PDE4D: variants seen among roughly 807,000 people sequenced by gnomAD.
PDE4D encodes phosphodiesterase 4D, also known as 3',5'-cyclic-AMP phosphodiesterase 4D.
Under a neutral mutation model 87.4 loss-of-function variants are expected in PDE4D, and 24 were observed. That is an observed-to-expected ratio of 0.27 (90% confidence interval 0.20 to 0.39). The LOEUF is 0.39. Among genes scored for constraint, PDE4D ranks in the 10% least tolerant of loss-of-function variants. The pLI, the probability that PDE4D is intolerant of heterozygous loss-of-function variation, is 1.00. For missense variants in PDE4D, 714 were observed against 1,041.0 expected, an observed-to-expected ratio of 0.69 and a Z score of 4.32; for synonymous variants, 384 against 383.2, an observed-to-expected ratio of 1.00 and a Z score of -0.02.
chr5:60,248,857 C>A (rs1748097641), intron 1 of PDE4D, among the ~76,000 whole-genome samples: 1 of 151,956 alleles, frequency 6.6e-6, no homozygotes, highest in Admixed American at 6.6e-5. Context: ...TTCCCATAGC[C>A]TGACACATCT....
At chr5:59,256,011 T>G (rs1368288026) in intron 1 of PDE4D, among the ~76,000 whole-genome samples, 2 of 152,080 alleles carry the variant, frequency 1.3e-5, no homozygotes, top group East Asian at 3.9e-4. Context: ...AGCAGAACAT[T>G]TTTGTACATA....
At chr5:60,208,849 G>A (rs930440126) in intron 1 of PDE4D, among the ~76,000 whole-genome samples, 1 of 152,164 alleles carries the variant, frequency 6.6e-6, no homozygotes, top group Non-Finnish European at 1.5e-5. Context: ...TATCCAGCAT[G>A]CAGAAGTTGC....
chr5:59,972,288 G>T (rs535471960), intron 3 of PDE4D, among the ~76,000 whole-genome samples: 3 of 152,272 alleles, frequency 2.0e-5, no homozygotes, highest in South Asian at 2.1e-4. Flanking sequence ...AACAGAAGAG[G>T]ATTGGATACT....
intron 1 of PDE4D, among the ~76,000 whole-genome samples, chr5:59,300,985 T>C (rs982923918): frequency 4.6e-5 from 7 of 152,132 alleles, no homozygotes; most frequent in Non-Finnish European, 8.8e-5. Context: ...GATTAAGAGA[T>C]GCATATAGGG....
At chr5:59,831,790 T>C (rs1260592777) in intron 1 of PDE4D, among the ~76,000 whole-genome samples, 2 of 152,034 alleles carry the variant, frequency 1.3e-5, no homozygotes, top group Non-Finnish European at 2.9e-5. Context: ...ACAGGTTGCC[T>C]AGTAGTTAGT....
chr5:59,773,722 A>G (rs571183607), intron 1 of PDE4D, among the ~76,000 whole-genome samples: 1 of 152,230 alleles, frequency 6.6e-6, no homozygotes, highest in African/African-American at 2.4e-5. Context: ...ATTATTTTTC[A>G]TTATAAAGTT....
chr5:60,325,938 C>T (rs889627355), intron 1 of PDE4D, among the ~76,000 whole-genome samples: 2 of 152,052 alleles, frequency 1.3e-5, no homozygotes, highest in African/African-American at 4.8e-5. Flanking sequence ...TGGGGATTGG[C>T]TTTTTCCATT....
At chr5:60,285,706 C>A (rs1752359110) in intron 1 of PDE4D, among the ~76,000 whole-genome samples, 1 of 152,192 alleles carries the variant, frequency 6.6e-6, no homozygotes, top group Non-Finnish European at 1.5e-5. Flanking sequence ...ACCTTACCAG[C>A]CTCAGCTCCC....
At chr5:60,500,492 A>C (rs576609003) in intron 1 of PDE4D, among the ~76,000 whole-genome samples, 1 of 152,340 alleles carries the variant, frequency 6.6e-6, no homozygotes, top group Admixed American at 6.5e-5. Flanking sequence ...AATATCTATA[A>C]GGAACTTGGT....
chr5:59,472,983 T>C (rs1276413041), intron 1 of PDE4D, among the ~76,000 whole-genome samples: 1 of 151,210 alleles, frequency 6.6e-6, no homozygotes, highest in Non-Finnish European at 1.5e-5. Context: ...CAGGAGGAAG[T>C]TTAATCTAGC....
intron 1 of PDE4D, chr5:59,768,617 T>A: frequency 1.3e-6 from 2 of 1,538,364 alleles, no homozygotes; most frequent in African/African-American, 1.4e-5. Flanking sequence ...CTGCTGTTAG[T>A]GCATTCAGTC....
intron 1 of PDE4D, among the ~76,000 whole-genome samples, chr5:59,389,448 T>G (rs1365086118): frequency 6.6e-6 from 1 of 151,984 alleles, no homozygotes; most frequent in Non-Finnish European, 1.5e-5. Flanking sequence ...AAGATTTTAT[T>G]TGATGCTGGG....
chr5:59,878,209 G>A (rs1387192865), intron 1 of PDE4D, among the ~76,000 whole-genome samples: 2 of 152,306 alleles, frequency 1.3e-5, no homozygotes, highest in Non-Finnish European at 2.9e-5. Flanking sequence ...CAATTAATTA[G>A]TGGTGACCTG....
intron 2 of PDE4D, among the ~76,000 whole-genome samples, chr5:60,122,720 G>A (rs780144464): frequency 6.6e-6 from 1 of 152,176 alleles, no homozygotes; most frequent in African/African-American, 2.4e-5. Context: ...TTTCCTCATC[G>A]TCTTGAAGGC....
intron 3 of PDE4D, among the ~76,000 whole-genome samples, chr5:59,936,076 G>C (rs1430503683): frequency 2.6e-5 from 4 of 152,082 alleles, no homozygotes; most frequent in African/African-American, 7.2e-5. Flanking sequence ...CCCACCAACG[G>C]TGTAAACCAT....
At chr5:59,180,434 A>C in intron 5 of PDE4D, 161 bp downstream of exon 5, 1 of 732,978 alleles carries the variant, frequency 1.4e-6, no homozygotes, top group Non-Finnish European at 2.5e-6. Context: ...AACAGCTTAG[A>C]CAATTTGTGA....
chr5:59,553,138 A>G (rs914978171), intron 1 of PDE4D, among the ~76,000 whole-genome samples: 14 of 152,038 alleles, frequency 9.2e-5, no homozygotes, highest in African/African-American at 2.9e-4. Context: ...AAATATATAT[A>G]TTTTTGCAAG....
chr5:59,129,070 C>T (rs1007656988), intron 5 of PDE4D, among the ~76,000 whole-genome samples: 1 of 152,186 alleles, frequency 6.6e-6, no homozygotes, highest in African/African-American at 2.4e-5. Flanking sequence ...ACCCACTTGC[C>T]AAGGGAGTTT....
At chr5:59,959,324 A>C (rs1443004134) in intron 3 of PDE4D, among the ~76,000 whole-genome samples, 1 of 152,192 alleles carries the variant, frequency 6.6e-6, no homozygotes, top group Non-Finnish European at 1.5e-5. Flanking sequence ...TATTTCTATG[A>C]AGTTATCAAT....
Sources: gnomAD v4.1 joint callset for allele counts (sites outside exome capture counted in the v4.1 genomes callset) on GRCh38, gnomAD v4.1.1 for gene constraint, MANE v1.5 for transcripts, NCBI Gene and HGNC (gene_info 2026-07-23, HGNC 2026-07-21) for gene names.